ZFHX3: variants seen among roughly 807,000 people sequenced by gnomAD.
The protein encoded by ZFHX3 is zinc finger homeobox protein 3.
A neutral mutation model predicts 279.1 loss-of-function variants in ZFHX3; 42 were observed. The ratio of observed to expected loss-of-function variants is 0.15; its 90% CI spans 0.12 to 0.19. The LOEUF is 0.19. Among genes scored for constraint, ZFHX3 ranks in the 10% least tolerant of loss-of-function variants. The pLI is 1.00. For missense variants in ZFHX3, 4,981 were observed against 4,754.0 expected (o/e 1.05, Z -1.40); for synonymous variants, 2,293 against 1,957.8 (o/e 1.17, Z -4.52).
chr16:72,978,468 C>T (rs1349770120), intron 1 of ZFHX3, among the ~76,000 whole-genome samples: 1 of 152,090 alleles, frequency 6.6e-6, no homozygotes, highest in East Asian at 1.9e-4. Flanking sequence ...GGCCATAAGC[C>T]TCAACTTCCC....
chr16:73,557,311 G>A (rs1418973442), intron 2 of ZFHX3, among the ~76,000 whole-genome samples: 1 of 152,092 alleles, frequency 6.6e-6, no homozygotes, highest in African/African-American at 2.4e-5. Flanking sequence ...TGTTAGTACT[G>A]TACTATTAGA....
chr16:72,967,980 T>C (rs1276035004), intron 1 of ZFHX3, among the ~76,000 whole-genome samples: 2 of 145,488 alleles, frequency 1.4e-5, no homozygotes, highest in Non-Finnish European at 3.0e-5. Context: ...TCTCAAAGTC[T>C]CTCCCCACAG....
In ZFHX3 at chr16:73,788,841, G is replaced by T. The variant is rs113973749; in HGVS notation, c.-1608+102810C>A. On this transcript the variant is annotated intron_variant, in intron 1 of 17. Coordinates refer to the ZFHX3 transcript ENST00000641206. Reference sequence around the variant, plus strand: ...TGCAAAAAATTAGCTGGGTGTGCCGGCACGTGCCTGTAGTCCCAGCTACTC... The same window carrying T: ...TGCAAAAAATTAGCTGGGTGTGCCGTCACGTGCCTGTAGTCCCAGCTACTC... 1.5e-3 allele frequency among the ~76,000 whole-genome samples: 227 copies of T among 151,610 alleles called. 3 individuals are homozygous for T. Among genetic ancestry groups the T allele is most frequent in the African/African-American group, 5.0e-3 (208 of 41,428 alleles).
At chr16:73,459,524 G>A (rs1035768813) in intron 2 of ZFHX3, among the ~76,000 whole-genome samples, 11 of 152,090 alleles carry the variant, frequency 7.2e-5, no homozygotes, top group Non-Finnish European at 2.9e-5. Context: ...CAACACACCA[G>A]CTCATTTTTG....
intron 3 of ZFHX3, among the ~76,000 whole-genome samples, chr16:72,899,279 G>A (rs1216066307): frequency 6.6e-6 from 1 of 152,018 alleles, no homozygotes; most frequent in Non-Finnish European, 1.5e-5. Context: ...CTGAATCATG[G>A]GTGCAGTTAC....
At chr16:73,768,569 G>C (rs2053980544) in intron 1 of ZFHX3, among the ~76,000 whole-genome samples, 1 of 152,098 alleles carries the variant, frequency 6.6e-6, no homozygotes, top group Non-Finnish European at 1.5e-5. Flanking sequence ...TCCTTCCTGA[G>C]ATAAACATTC....
chr16:72,988,889 G>A (rs569947637), intron 1 of ZFHX3, among the ~76,000 whole-genome samples: 5 of 152,178 alleles, frequency 3.3e-5, no homozygotes, highest in East Asian at 3.9e-4. Flanking sequence ...AATAAACTAC[G>A]GTACTGGCTA....
chr16:73,819,292 A>G (rs1197814111), intron 1 of ZFHX3, among the ~76,000 whole-genome samples: 2 of 151,024 alleles, frequency 1.3e-5, no homozygotes, highest in East Asian at 1.9e-4. Flanking sequence ...GGGGTCTTGT[A>G]CACTGTAGGA....
intron 2 of ZFHX3, among the ~76,000 whole-genome samples, chr16:73,654,854 C>CTTTTTTTT (rs1382941693): frequency 1.6e-5 from 1 of 64,126 alleles, no homozygotes; most frequent in Non-Finnish European, 2.7e-5. Flanking sequence ...ATAGTAATCA[C>CTTTTTTTT]TTTTTTTTTT....
upstream of ZFHX3, chr16:73,048,448 C>T (rs1321120718): frequency 6.6e-6 from 1 of 152,046 alleles, no homozygotes; most frequent in South Asian, 2.1e-4. Flanking sequence ...CCCGCGCACC[C>T]GCCTGGGGCC....
intron 8 of ZFHX3, among the ~76,000 whole-genome samples, chr16:73,091,109 G>T (rs1966074646): frequency 6.6e-6 from 1 of 151,834 alleles, no homozygotes; most frequent in Non-Finnish European, 1.5e-5. Flanking sequence ...TACTCGGGAG[G>T]CTGAGGCAAA....
chr16:72,993,420 T>C (rs1172570883), intron 1 of ZFHX3, among the ~76,000 whole-genome samples: 1 of 152,234 alleles, frequency 6.6e-6, no homozygotes, highest in African/African-American at 2.4e-5. Context: ...TGTATTAACA[T>C]GTTTCAGAAT....
At chr16:73,263,419 C>T (rs535616248) in intron 4 of ZFHX3, among the ~76,000 whole-genome samples, 1 of 152,304 alleles carries the variant, frequency 6.6e-6, no homozygotes, top group East Asian at 1.9e-4. Context: ...GAACTCCTAG[C>T]CTCAAGTGAT....
intron 2 of ZFHX3, among the ~76,000 whole-genome samples, chr16:73,652,359 C>A (rs1295513228): frequency 1.3e-5 from 2 of 151,842 alleles, no homozygotes; most frequent in Admixed American, 6.6e-5. Flanking sequence ...CAGTTAAACA[C>A]CAAAAAATGA....
intron 5 of ZFHX3, among the ~76,000 whole-genome samples, chr16:73,256,202 G>C (rs1401656461): frequency 6.6e-6 from 1 of 152,124 alleles, no homozygotes; most frequent in Non-Finnish European, 1.5e-5. Context: ...AAGGGAGGCA[G>C]AGCCAATGAG....
chr16:73,190,318 C>G (rs1305765733), intron 5 of ZFHX3, among the ~76,000 whole-genome samples: 1 of 152,288 alleles, frequency 6.6e-6, no homozygotes, highest in East Asian at 1.9e-4. Context: ...CCCATCCCCA[C>G]TATGATGCAA....
rs568709797 is a variant in ZFHX3 at position 73,201,222 on chromosome 16, A to G, written c.-1104+55825T>C. ...GGGGCTCTGTCCCCTTGGGGTATTT[A>G]TGCTGGTGGATGTGAGTTTGGGCTG... is the stretch of plus-strand genomic sequence containing the variant. On this transcript the variant is annotated intron_variant, in intron 5 of 17. Coordinates refer to the ZFHX3 transcript ENST00000641206. 6.2e-4 allele frequency among the ~76,000 whole-genome samples: 94 copies of G among 152,266 alleles called. No individual in the cohort carries two copies. In the South Asian group the frequency reaches 9.5e-3, roughly 15 times the overall value.
intron 1 of ZFHX3, among the ~76,000 whole-genome samples, chr16:73,773,239 C>T (rs2054039095): frequency 6.6e-6 from 1 of 152,220 alleles, no homozygotes. Flanking sequence ...GGCACATTTC[C>T]ACCATCACAG....
chr16:72,958,395 C>G lies in ZFHX3; in HGVS notation c.1751G>C (p.Gly584Ala). 1 of 1,614,202 alleles carries G rather than the reference C, an allele frequency of 6.2e-7. No individual in the cohort carries two copies. Among genetic ancestry groups the G allele is most frequent in the Non-Finnish European group, 8.5e-7 (1 of 1,180,034 alleles). Residue 584 changes from glycine (G) to alanine (A), a missense_variant, in exon 2 of 10, where the codon GGC (glycine) becomes GCC (alanine). Physicochemically the swap from Gly to Ala is moderately conservative, Grantham distance 60. Transcript: ENST00000268489. ...SEGVRANVAEGGRRLDFADES... is the reference protein window; with the variant it reads ...SEGVRANVAEAGRRLDFADES... ...GTCAGCGAAGTCCAGCCTCCTGCCG[C>G]CCTCTGCCACATTGGCCCTGACGCC...
Sources: gnomAD v4.1 joint callset for allele counts (sites outside exome capture counted in the v4.1 genomes callset) on GRCh38, gnomAD v4.1.1 for gene constraint, MANE v1.5 for transcripts, NCBI Gene and HGNC (gene_info 2026-07-23, HGNC 2026-07-21) for gene names.